The following PSMD1 variants were observed in gnomAD, a reference collection of about 807,000 sequenced individuals.
PSMD1 encodes proteasome 26S subunit, non-ATPase 1.
Under a neutral mutation model 119.0 loss-of-function variants are expected in PSMD1, and 18 were observed. The ratio of observed to expected loss-of-function variants is 0.15; its 90% CI spans 0.10 to 0.22. The LOEUF (loss-of-function observed/expected upper bound fraction) is 0.22. Among genes scored for constraint, PSMD1 ranks in the 10% least tolerant of loss-of-function variants. The probability of loss-of-function intolerance (pLI) is 1.00; values close to 1 mark genes in which losing one functional copy is unlikely to be tolerated. For synonymous variants in PSMD1, 374 were observed against 396.6 expected (o/e 0.94, Z 0.68); for missense variants, 702 against 1,158.5 (o/e 0.61, Z 5.72).
chr2:231,068,923 A>G (rs538331479), intron 5 of PSMD1, among the ~76,000 whole-genome samples: 9 of 152,378 alleles, frequency 5.9e-5, no homozygotes, highest in Non-Finnish European at 1.2e-4. Flanking sequence ...TGAGATGTAC[A>G]TAAGAATGAA....
intron 16 of PSMD1, among the ~76,000 whole-genome samples, chr2:231,128,341 G>C (rs1258168849): frequency 6.6e-6 from 1 of 152,198 alleles, no homozygotes; most frequent in African/African-American, 2.4e-5. Flanking sequence ...ACTAAGACTA[G>C]CTCACTTCAA....
At chr2:231,126,243 A>G (rs1695715788) in intron 16 of PSMD1, among the ~76,000 whole-genome samples, 1 of 152,148 alleles carries the variant, frequency 6.6e-6, no homozygotes, top group South Asian at 2.1e-4. Flanking sequence ...TACAAAAAAA[A>G]CCACATAAAT....
intron 16 of PSMD1, chr2:231,113,656 G>A (rs996611741): frequency 7.6e-7 from 1 of 1,322,768 alleles, no homozygotes; most frequent in Non-Finnish European, 1.1e-6. Flanking sequence ...TTGCCTACCA[G>A]ACCTGGTATT....
chr2:231,114,261 G>T (rs1192537758), intron 16 of PSMD1, among the ~76,000 whole-genome samples: 2 of 152,020 alleles, frequency 1.3e-5, no homozygotes, highest in Non-Finnish European at 2.9e-5. Flanking sequence ...ATTGTGACTG[G>T]AACTTAACCT....
At chr2:231,087,463 T>G (rs1435103069) in intron 16 of PSMD1, among the ~76,000 whole-genome samples, 1 of 152,204 alleles carries the variant, frequency 6.6e-6, no homozygotes. Context: ...TAAATCCAAA[T>G]AACACATCCA....
chr2:231,137,828 T>C (rs1696009968), intron 16 of PSMD1, among the ~76,000 whole-genome samples: 1 of 152,198 alleles, frequency 6.6e-6, no homozygotes, highest in Non-Finnish European at 1.5e-5. Flanking sequence ...CTTAGGATAA[T>C]GGCCTCCATC....
chr2:231,114,652 A>G (rs1695271327), intron 16 of PSMD1, among the ~76,000 whole-genome samples: 1 of 151,928 alleles, frequency 6.6e-6, no homozygotes, highest in African/African-American at 2.4e-5. Context: ...GTAGTACTTA[A>G]TTTATTTAAC....
At chr2:231,101,561 A>G (rs1694867108) in intron 16 of PSMD1, among the ~76,000 whole-genome samples, 1 of 152,224 alleles carries the variant, frequency 6.6e-6, no homozygotes, top group East Asian at 1.9e-4. Flanking sequence ...TACACTTTTG[A>G]AAGAAATTCT....
At chr2:231,066,081 G>C (rs2125155239) in intron 4 of PSMD1, among the ~76,000 whole-genome samples, 1 of 152,340 alleles carries the variant, frequency 6.6e-6, no homozygotes, top group East Asian at 1.9e-4. Flanking sequence ...TAGGTATGTA[G>C]TAGGTTATAT....
intron 17 of PSMD1, among the ~76,000 whole-genome samples, chr2:231,140,849 G>C (rs1372167885): frequency 1.3e-5 from 2 of 151,738 alleles, no homozygotes; most frequent in African/African-American, 4.8e-5. Context: ...TTGCACTTTA[G>C]CCTGGGGGAC....
intron 13 of PSMD1, 64 bp downstream of exon 13, chr2:231,083,058 G>T (rs1166864893): frequency 2.6e-6 from 3 of 1,167,610 alleles, no homozygotes; most frequent in Non-Finnish European, 3.7e-6. Flanking sequence ...AATTACATTA[G>T]TTTCTACCTA....
intron 6 of PSMD1, 63 bp downstream of exon 6, chr2:231,070,231 C>T: frequency 1.6e-6 from 2 of 1,223,308 alleles, no homozygotes; most frequent in Non-Finnish European, 2.1e-6. Flanking sequence ...TGCTATACCA[C>T]TTCACATTTT....
At chr2:231,136,640 T>C (rs1479097930) in intron 16 of PSMD1, among the ~76,000 whole-genome samples, 1 of 152,164 alleles carries the variant, frequency 6.6e-6, no homozygotes, top group Non-Finnish European at 1.5e-5. Context: ...TTGCTCTTAA[T>C]TGCCTTTCCA....
intron 1 of PSMD1, among the ~76,000 whole-genome samples, chr2:231,058,552 A>G (rs1693669487): frequency 6.8e-6 from 1 of 147,996 alleles, no homozygotes; most frequent in African/African-American, 2.5e-5. Flanking sequence ...ATTAGCTATC[A>G]TTAGTGTTAG....
rs1003997762 is a variant in PSMD1 at position 231,085,596 on chromosome 2, C to T, written c.1818+482C>T. 3.9e-5 allele frequency among the ~76,000 whole-genome samples: 6 copies of T among 152,328 alleles called. No homozygotes were observed. The East Asian group carries it at 7.7e-4, about 20-fold the overall frequency. On this transcript the variant is annotated intron_variant, in intron 15 of 24. Coordinates refer to ENST00000308696, the MANE Select transcript of PSMD1 (RefSeq NM_002807.4). ...CTATAATTATGCCACCGCACTCTAG[C>T]CTGTGCGACAGGGCAAGACCCTATC... is the stretch of plus-strand genomic sequence containing the variant.
At chr2:231,064,945 A>G (rs771225971) in intron 4 of PSMD1, among the ~76,000 whole-genome samples, 3 of 151,812 alleles carry the variant, frequency 2.0e-5, no homozygotes, top group Non-Finnish European at 4.4e-5. Flanking sequence ...TACAGATGTG[A>G]GCCACTGACC....
Position 231,117,875 on chromosome 2 carries a change from A to G in PSMD1, c.1884-20861A>G, listed in dbSNP as rs1380685768. On this transcript the variant is annotated intron_variant, in intron 16 of 24. Coordinates refer to ENST00000308696, the MANE Select transcript of PSMD1 (RefSeq NM_002807.4). Reference sequence around the variant, plus strand: ...GTTCTAACTTGTCCCTAGGGGGGAAAAAATTCTGTGATCCTCTGAACAGTT... The same window carrying G: ...GTTCTAACTTGTCCCTAGGGGGGAAGAAATTCTGTGATCCTCTGAACAGTT... Among the ~76,000 whole-genome samples, 4 of 152,176 alleles carry G rather than the reference A, an allele frequency of 2.6e-5. No individual in the cohort carries two copies. The East Asian group carries it at 7.7e-4, about 29-fold the overall frequency.
At chr2:231,086,911 CTATAAA>C (rs1333294735) in intron 15 of PSMD1, among the ~76,000 whole-genome samples, 200 bp from the exon 16 acceptor site, 2 of 151,998 alleles carry the variant, frequency 1.3e-5, no homozygotes, top group African/African-American at 4.8e-5. Context: ...GACCCTGTCT[CTATAAA>C]AATAAAAATA....
chr2:231,147,046 A>G (rs529812107), intron 18 of PSMD1, among the ~76,000 whole-genome samples: 2 of 152,344 alleles, frequency 1.3e-5, no homozygotes, highest in South Asian at 4.1e-4. Context: ...GGACACTCCA[A>G]GTGGACCCTC....
Sources: allele counts gnomAD v4.1 joint callset (sites outside exome capture counted in the v4.1 genomes callset), GRCh38; gene constraint gnomAD v4.1.1; transcripts MANE v1.5; gene names NCBI Gene and HGNC (gene_info 2026-07-23, HGNC 2026-07-21).